KIAA2012: variants seen among roughly 807,000 people sequenced by gnomAD.
KIAA2012 encodes the protein uncharacterized protein KIAA2012.
In KIAA2012, 125 loss-of-function variants were observed where a neutral mutation model predicts 150.6. The observed-to-expected ratio is 0.83, with a 90% CI of 0.72 to 0.96. The LOEUF is 0.96. KIAA2012 is among the 40% of genes least tolerant of loss of function. The pLI is 0.00. For synonymous variants in KIAA2012, 462 were observed against 504.7 expected (o/e 0.92, Z 1.13); for missense variants, 1,219 against 1,354.9 (o/e 0.90, Z 1.57).
At chr2:202,189,617 T>G (rs1374892655) in intron 18 of KIAA2012, among the ~76,000 whole-genome samples, 1 of 151,938 alleles carries the variant, frequency 6.6e-6, no homozygotes, top group African/African-American at 2.4e-5. Flanking sequence ...ATAGCAAGAC[T>G]GCTGAATGTC....
chr2:202,126,228 C>T (rs1036975977), intron 12 of KIAA2012, among the ~76,000 whole-genome samples: 1 of 151,940 alleles, frequency 6.6e-6, no homozygotes, highest in African/African-American at 2.4e-5. Context: ...ACTGGGATTA[C>T]AGGCATGAGC....
intron 13 of KIAA2012, among the ~76,000 whole-genome samples, chr2:202,148,513 C>T (rs1405209140): frequency 1.3e-5 from 2 of 152,164 alleles, no homozygotes; most frequent in Non-Finnish European, 2.9e-5. Flanking sequence ...TTCACCAGCA[C>T]CAAATTCCCT....
At chr2:202,152,526 A>T (rs1366455268) in intron 13 of KIAA2012, among the ~76,000 whole-genome samples, 2 of 152,212 alleles carry the variant, frequency 1.3e-5, no homozygotes, top group Non-Finnish European at 2.9e-5. Flanking sequence ...AATTTCCCTC[A>T]AATCATTATC....
chr2:202,074,051 G>A (rs144660677), intron 1 of KIAA2012, among the ~76,000 whole-genome samples: 5 of 151,998 alleles, frequency 3.3e-5, no homozygotes, highest in African/African-American at 7.2e-5. Context: ...TTTGGAAGTC[G>A]TGCTCTGCAG....
intron 21 of KIAA2012, among the ~76,000 whole-genome samples, chr2:202,194,584 T>G (rs113582088): frequency 4.6e-5 from 2 of 43,502 alleles, no homozygotes; most frequent in African/African-American, 1.9e-4. Flanking sequence ...CCAGAGTCCC[T>G]TTGCCCTTTC....
At chr2:202,126,368 G>A (rs1172131887) in intron 12 of KIAA2012, among the ~76,000 whole-genome samples, 4 of 152,180 alleles carry the variant, frequency 2.6e-5, no homozygotes, top group Non-Finnish European at 4.4e-5. Flanking sequence ...CAGGGTGGAA[G>A]GATTGTTTTT....
intron 17 of KIAA2012, among the ~76,000 whole-genome samples, chr2:202,187,409 A>C (rs1423735568): frequency 6.6e-6 from 1 of 151,930 alleles, no homozygotes; most frequent in Non-Finnish European, 1.5e-5. Flanking sequence ...GGTTCAAGTG[A>C]TTCTCCTGCC....
At chr2:202,152,242 G>A (rs1185458100) in intron 13 of KIAA2012, among the ~76,000 whole-genome samples, 1 of 152,090 alleles carries the variant, frequency 6.6e-6, no homozygotes, top group African/African-American at 2.4e-5. Context: ...CATTCCAGTG[G>A]GTATAGAGCC....
At chr2:202,108,659 A>G (rs1377011518) in intron 9 of KIAA2012, among the ~76,000 whole-genome samples, 1 of 152,228 alleles carries the variant, frequency 6.6e-6, no homozygotes, top group African/African-American at 2.4e-5. Flanking sequence ...AATATCACAG[A>G]GGTGATGTTG....
chr2:202,190,666 A>G (rs1692313568), intron 19 of KIAA2012, among the ~76,000 whole-genome samples, 173 bp downstream of exon 19: 1 of 152,156 alleles, frequency 6.6e-6, no homozygotes, highest in African/African-American at 2.4e-5. Context: ...GCCAGACCTG[A>G]TCAAAGATGC....
intron 12 of KIAA2012, among the ~76,000 whole-genome samples, chr2:202,128,434 TG>T (rs201711207): frequency 3.7e-4 from 39 of 105,746 alleles, no homozygotes; most frequent in Middle Eastern, 4.8e-3. Flanking sequence ...CCTGTCTTTT[TG>T]GGGGTTTTTT....
intron 11 of KIAA2012, among the ~76,000 whole-genome samples, chr2:202,121,546 C>T (rs1036531282): frequency 3.3e-5 from 5 of 152,344 alleles, no homozygotes; most frequent in Non-Finnish European, 4.4e-5. Flanking sequence ...ATATTGAGAG[C>T]AAACACTCTC....
Position 202,109,809 on chromosome 2 carries a change from A to G in KIAA2012, c.1651+20A>G. 2.6e-6 allele frequency: 4 copies of G among 1,514,374 alleles called. No individual in the cohort carries two copies. Among genetic ancestry groups the G allele is most frequent in the South Asian group, 1.3e-5 (1 of 78,098 alleles). The allele number at this position is 1,514,374 out of a possible 1,614,324, so 93.8% of individuals were successfully genotyped here. ...CTCAAGGTAATCATTCCCAGAGTGCATAGACGCCCCCCACTGGCTTGAATG... is the reference window on the plus strand; with the variant it reads ...CTCAAGGTAATCATTCCCAGAGTGCGTAGACGCCCCCCACTGGCTTGAATG... On this transcript the variant is annotated intron_variant, in intron 10 of 23. Coordinates refer to ENST00000498697, the MANE Select transcript of KIAA2012 (RefSeq NM_001277372.4).
At chr2:202,192,526 C>T (rs899539947) in intron 19 of KIAA2012, among the ~76,000 whole-genome samples, 2 of 149,476 alleles carry the variant, frequency 1.3e-5, no homozygotes, top group East Asian at 3.9e-4. Flanking sequence ...GGCGCAATCT[C>T]GGCTCACCGC....
At position 202,143,549 on chromosome 2, in the gene KIAA2012, G is replaced by A. The variant is rs1284109405; in HGVS notation, c.1908+5041G>A. Among the ~76,000 whole-genome samples, 7 of 131,660 alleles carry A rather than the reference G, an allele frequency of 5.3e-5. No homozygotes were observed. The South Asian group carries it at 1.4e-3, about 26-fold the overall frequency. 86.4% of individuals were successfully genotyped at this position (131,660 alleles called of 152,430 possible). ...GTGGATTATGTTATTTGTTTTCCTGGGCTTTTTTTTTTTTTTTCATTGTTT... is the reference window on the plus strand; with the variant it reads ...GTGGATTATGTTATTTGTTTTCCTGAGCTTTTTTTTTTTTTTTCATTGTTT... On this transcript the variant is annotated intron_variant, in intron 13 of 23. Transcript: ENST00000498697.
chr2:202,091,626 G>A (rs902211404), intron 3 of KIAA2012, among the ~76,000 whole-genome samples: 6 of 152,150 alleles, frequency 3.9e-5, no homozygotes, highest in African/African-American at 1.2e-4. Context: ...AAACAGTTAC[G>A]CTTGCAATCT....
At chr2:202,154,125 G>A (rs996333084) in intron 13 of KIAA2012, among the ~76,000 whole-genome samples, 2 of 152,216 alleles carry the variant, frequency 1.3e-5, no homozygotes, top group Non-Finnish European at 2.9e-5. Flanking sequence ...TTCTGTCTCT[G>A]CTACATTTGT....
At chr2:202,098,405 A>G (rs1689950066) in intron 5 of KIAA2012, among the ~76,000 whole-genome samples, 2 of 152,314 alleles carry the variant, frequency 1.3e-5, no homozygotes, top group South Asian at 4.1e-4. Context: ...ACACTGGGGA[A>G]GTGCTGCACG....
At chr2:202,086,989 T>C (rs1521880) in intron 2 of KIAA2012, among the ~76,000 whole-genome samples, 76,666 of 152,108 alleles carry the variant, frequency 0.5, 19,873 homozygotes, top group African/African-American at 0.6. Flanking sequence ...GCAAGCAACA[T>C]AGTTCATGAT....
Sources: allele counts gnomAD v4.1 joint callset (sites outside exome capture counted in the v4.1 genomes callset), GRCh38; gene constraint gnomAD v4.1.1; transcripts MANE v1.5; gene names NCBI Gene and HGNC (gene_info 2026-07-23, HGNC 2026-07-21).